ERBIN: variants seen among roughly 807,000 people sequenced by gnomAD.
ERBIN encodes densin-180-like protein.
In ERBIN, 60 loss-of-function variants were observed where a neutral mutation model predicts 158.4. The observed-to-expected ratio is 0.38, with a 90% CI of 0.31 to 0.47. ERBIN has a LOEUF of 0.47. ERBIN is among the 20% of genes least tolerant of loss of function. The pLI, the probability that ERBIN is intolerant of heterozygous loss-of-function variation, is 0.99. For synonymous variants in ERBIN, 594 were observed against 557.2 expected, an observed-to-expected ratio of 1.07 and a Z score of -0.93; for missense variants, 1,610 against 1,648.0, an observed-to-expected ratio of 0.98 and a Z score of 0.40.
chr5:65,967,070 G>A (rs1329473121), intron 1 of ERBIN, among the ~76,000 whole-genome samples: 2 of 151,948 alleles, frequency 1.3e-5, no homozygotes, highest in Non-Finnish European at 2.9e-5. Context: ...CCAGGAGTTT[G>A]AGTCCAGCCT....
intron 1 of ERBIN, among the ~76,000 whole-genome samples, chr5:65,954,268 A>G (rs376145414): frequency 2.4e-4 from 36 of 152,332 alleles, no homozygotes; most frequent in African/African-American, 7.9e-4. Context: ...AGGAAAAAAG[A>G]GCTGAGCTGC....
In ERBIN at chr5:65,953,209, A is replaced by G. The variant is rs534550338; in HGVS notation, c.-58+26403A>G. Among the ~76,000 whole-genome samples the G allele has an allele frequency of 2.5e-4, 38 of 152,298 alleles. No individual in the cohort carries two copies. In the South Asian group the frequency reaches 7.2e-3, roughly 29 times the overall value. On this transcript the variant is annotated intron_variant, in intron 1 of 25. Coordinates refer to ENST00000284037, the MANE Select transcript of ERBIN (RefSeq NM_001253697.2). ...CAACATGTTCACATCCTCTGCATACAGTTGACTCTTGGTACCCTTCAAGCC... is the reference window on the plus strand; with the variant it reads ...CAACATGTTCACATCCTCTGCATACGGTTGACTCTTGGTACCCTTCAAGCC...
chr5:65,968,751 G>C (rs115619228), intron 1 of ERBIN, among the ~76,000 whole-genome samples: 5,110 of 152,202 alleles, frequency 0.034, 117 homozygotes, highest in Non-Finnish European at 0.053. Context: ...AGTAGAGACA[G>C]GGTTCCCTGT....
chr5:66,038,137 T>G (rs932992599), intron 14 of ERBIN, among the ~76,000 whole-genome samples: 1 of 152,208 alleles, frequency 6.6e-6, no homozygotes, highest in African/African-American at 2.4e-5. Flanking sequence ...AAAACGATAT[T>G]TCAGTAGCTT....
Position 66,051,061 on chromosome 5 carries a change from T to C in ERBIN, c.2087+95T>C, listed in dbSNP as rs144087200. The C allele has an allele frequency of 5.3e-4, 393 of 744,804 alleles. 2 individuals carry two copies. The African/African-American group carries it at 6.8e-3, about 13-fold the overall frequency. 46.1% of individuals were successfully genotyped at this position (744,804 alleles called of 1,614,324 possible). A position where few individuals can be genotyped will look rare whatever the true frequency, so the allele number is the denominator to read the frequency against. On this transcript the variant is annotated intron_variant, in intron 20 of 25. Transcript: ENST00000284037. ...ATAAATATATAGGGTTTAATAAATA[T>C]TATAGAAGTGGTTCCAGTAATATGT...
chr5:66,067,714 A>G (rs1561452177), intron 21 of ERBIN, among the ~76,000 whole-genome samples: 1 of 152,048 alleles, frequency 6.6e-6, no homozygotes, highest in African/African-American at 2.4e-5. Context: ...TTTGCCACAC[A>G]TTTTCTCGTT....
chr5:65,939,104 A>G (rs1744444147), intron 1 of ERBIN, among the ~76,000 whole-genome samples: 1 of 152,170 alleles, frequency 6.6e-6, no homozygotes, highest in African/African-American at 2.4e-5. Flanking sequence ...CATGAATTCA[A>G]CCAATCATGA....
At chr5:65,959,058 G>A (rs182909700) in intron 1 of ERBIN, among the ~76,000 whole-genome samples, 80 of 152,278 alleles carry the variant, frequency 5.3e-4, no homozygotes, top group African/African-American at 1.8e-3. Flanking sequence ...TAGACATTGC[G>A]TATACACATT....
At chr5:66,062,589 C>T (rs1760531769) in intron 21 of ERBIN, among the ~76,000 whole-genome samples, 1 of 152,208 alleles carries the variant, frequency 6.6e-6, no homozygotes, top group Non-Finnish European at 1.5e-5. Context: ...TGGTGAGGAG[C>T]TGCGTTCCTC....
chr5:65,968,827 C>T (rs1044783663), intron 1 of ERBIN, among the ~76,000 whole-genome samples: 1 of 152,194 alleles, frequency 6.6e-6, no homozygotes, highest in African/African-American at 2.4e-5. Context: ...TCCCAAAGTG[C>T]TGGGATTACA....
At chr5:65,967,967 T>C (rs909374525) in intron 1 of ERBIN, among the ~76,000 whole-genome samples, 4 of 152,194 alleles carry the variant, frequency 2.6e-5, no homozygotes, top group African/African-American at 7.2e-5. Context: ...GGCAAGTGGA[T>C]GAAAGGAAAA....
rs778562155 is a variant in ERBIN, at chr5:66,012,108, A to G, written c.367A>G (p.Ser123Gly). Residue 123 changes from serine to glycine, a missense_variant, in exon 5 of 26, where the codon AGT becomes GGT. This residue lies in a region of ERBIN where 596 missense variants were observed against 711.9 expected (regional missense o/e 0.84). Coordinates refer to ENST00000284037, the MANE Select transcript of ERBIN (RefSeq NM_001253697.2). ...NCKVLTIVEA[S>G]VNPISKLPDG... is the part of the protein sequence containing the mutation. Reference sequence around the variant, plus strand: ...TAAAGTTTTGACAATTGTGGAGGCCAGTGTAAACCCTATTTCCAAGTAAGT... The same window carrying G: ...TAAAGTTTTGACAATTGTGGAGGCCGGTGTAAACCCTATTTCCAAGTAAGT... 6.2e-7 allele frequency: 1 copy of G among 1,602,952 alleles called. No homozygotes were observed. The highest frequency in any genetic ancestry group is 1.3e-5 in the African/African-American group (1 of 74,530).
chr5:65,938,989 A>G (rs1004605232), intron 1 of ERBIN, among the ~76,000 whole-genome samples: 31 of 152,206 alleles, frequency 2.0e-4, no homozygotes, highest in African/African-American at 7.5e-4. Flanking sequence ...AGAAATTAAT[A>G]CTAATTATAA....
chr5:65,995,012 A>T (rs544733533), intron 4 of ERBIN, 148 bp downstream of exon 4: 2 of 586,974 alleles, frequency 3.4e-6, no homozygotes, highest in Admixed American at 3.6e-5. Context: ...TTATGTAAAG[A>T]TAGTTGCCCG....
rs541984323 is a variant in ERBIN, at chr5:66,054,612, G to C, written c.3294G>C (p.Gln1098His). Residue 1098 changes from glutamine (Q) to histidine (H), a missense_variant, in exon 21 of 26, where the codon CAG (glutamine) becomes CAC (histidine). Physicochemically the swap from Gln to His is conservative, Grantham distance 24. Coordinates refer to ENST00000284037, the MANE Select transcript of ERBIN (RefSeq NM_001253697.2). ...LGDPGSTRRA[Q>H]IPEGDYLSYR... ...ATCCAGGCTCTACAAGGCGGGCTCAGATTCCTGAAGGAGATTATTTATCAT... is the reference window on the plus strand; with the variant it reads ...ATCCAGGCTCTACAAGGCGGGCTCACATTCCTGAAGGAGATTATTTATCAT... The C allele has an allele frequency of 5.0e-6, 8 of 1,614,146 alleles. No individual in the cohort carries two copies. The highest frequency in any genetic ancestry group is 2.7e-5 in the African/African-American group (2 of 75,058).
At chr5:65,973,389 A>G (rs1749489491) in intron 1 of ERBIN, among the ~76,000 whole-genome samples, 1 of 151,026 alleles carries the variant, frequency 6.6e-6, no homozygotes, top group African/African-American at 2.5e-5. Context: ...GTACCCTAGA[A>G]CTTAAAGTAT....
chr5:66,079,975 G>A lies in ERBIN; in HGVS notation c.*1445G>A, dbSNP rs1037549941. On this transcript the variant is annotated 3_prime_UTR_variant, in exon 26 of 26. Coordinates refer to ENST00000284037, the MANE Select transcript of ERBIN (RefSeq NM_001253697.2). Reference sequence around the variant, plus strand: ...GTAAGGATTAATGCATGGTTATTTGGACCAGAAAAAAGTGCCATAGAAGAC... The same window carrying A: ...GTAAGGATTAATGCATGGTTATTTGAACCAGAAAAAAGTGCCATAGAAGAC... The A allele has an allele frequency of 1.3e-5, 2 of 152,062 alleles. No homozygotes were observed. The highest frequency in any genetic ancestry group is 2.9e-5 in the Non-Finnish European group (2 of 67,980). The allele number at this position is 152,062 out of a possible 1,614,324, so 9.4% of individuals were successfully genotyped here.
intron 1 of ERBIN, among the ~76,000 whole-genome samples, chr5:65,960,447 C>T (rs1162419191): frequency 3.9e-5 from 6 of 152,116 alleles, no homozygotes; most frequent in East Asian, 1.9e-4. Context: ...CTCTGCATTT[C>T]GCTATACGTA....
At chr5:66,066,836 A>G (rs1580529025) in intron 21 of ERBIN, among the ~76,000 whole-genome samples, 1 of 152,240 alleles carries the variant, frequency 6.6e-6, no homozygotes, top group South Asian at 2.1e-4. Flanking sequence ...TGAGCACTCT[A>G]CAATGTGTTG....
Sources: gnomAD v4.1 joint callset for allele counts (sites outside exome capture counted in the v4.1 genomes callset) on GRCh38, gnomAD v4.1.1 for gene constraint, gnomAD v4.1.1 regional missense constraint, MANE v1.5 for transcripts, NCBI Gene and HGNC (gene_info 2026-07-23, HGNC 2026-07-21) for gene names.